WWOX: variants seen among roughly 807,000 people sequenced by gnomAD.
WWOX encodes WW domain-containing oxidoreductase.
A neutral mutation model predicts 46.2 loss-of-function variants in WWOX; 69 were observed. The ratio of observed to expected loss-of-function variants is 1.49; its 90% CI spans 1.23 to 1.82. The LOEUF (loss-of-function observed/expected upper bound fraction) is 1.82, where lower values mean the gene tolerates loss of function less well. WWOX is among the 40% of genes most tolerant of loss of function. WWOX has a pLI of 0.00. For missense variants in WWOX, 919 were observed against 542.6 expected (o/e 1.69, Z -6.89); for synonymous variants, 359 against 202.6 (o/e 1.77, Z -6.56).
intron 8 of WWOX, among the ~76,000 whole-genome samples, chr16:78,585,579 C>G (rs945148826): frequency 1.3e-5 from 2 of 152,160 alleles, no homozygotes; most frequent in Non-Finnish European, 2.9e-5. Context: ...AGTGGCTCCA[C>G]CAGGACCTCT....
At chr16:78,615,286 T>G (rs1264722110) in intron 8 of WWOX, among the ~76,000 whole-genome samples, 1 of 152,072 alleles carries the variant, frequency 6.6e-6, no homozygotes, top group Admixed American at 6.5e-5. Context: ...AGACGTCAGG[T>G]CCCCTAGGAG....
At chr16:79,180,378 C>T (rs774056427) in intron 8 of WWOX, among the ~76,000 whole-genome samples, 21 of 152,146 alleles carry the variant, frequency 1.4e-4, no homozygotes, top group African/African-American at 3.9e-4. Flanking sequence ...TAAATCTATC[C>T]GTTAACAGGT....
chr16:78,118,710 C>A (rs1183209166), intron 4 of WWOX, among the ~76,000 whole-genome samples: 6 of 152,118 alleles, frequency 3.9e-5, no homozygotes, highest in Non-Finnish European at 7.3e-5. Flanking sequence ...GTGCCGACTG[C>A]TATGTTAGAT....
chr16:78,824,082 G>A (rs1049231385), intron 8 of WWOX, among the ~76,000 whole-genome samples: 1 of 151,934 alleles, frequency 6.6e-6, no homozygotes, highest in Non-Finnish European at 1.5e-5. Flanking sequence ...TATTTTTCTA[G>A]TACTTTATTT....
Position 78,968,512 on chromosome 16 carries a change from A to G in WWOX, c.1057-243096A>G, listed in dbSNP as rs76440783. On this transcript the variant is annotated intron_variant, in intron 8 of 8. Transcript: ENST00000566780. ...ATGCAATTATGTTTCATTGTTAACC[A>G]TCACAAGCAACGGGACATTATGATG... is the stretch of plus-strand genomic sequence containing the variant. Among the ~76,000 whole-genome samples, 8 of 152,322 alleles carry G rather than the reference A, an allele frequency of 5.3e-5. No homozygotes were observed. In the East Asian group the frequency reaches 1.5e-3, roughly 29 times the overall value.
At chr16:78,542,018 C>CCAAA (rs2043908876) in intron 8 of WWOX, among the ~76,000 whole-genome samples, 2 of 40,642 alleles carry the variant, frequency 4.9e-5, no homozygotes, top group Admixed American at 9.6e-4. Context: ...CAGAGTATAC[C>CCAAA]AAAAAAAAAA....
At chr16:78,211,305 T>C (rs962496833) in intron 5 of WWOX, among the ~76,000 whole-genome samples, 2 of 151,970 alleles carry the variant, frequency 1.3e-5, no homozygotes, top group Admixed American at 6.6e-5. Flanking sequence ...TCACAAGGAG[T>C]CCAGAGGCAT....
intron 8 of WWOX, among the ~76,000 whole-genome samples, chr16:78,708,225 T>C (rs1224728925): frequency 6.6e-6 from 1 of 152,212 alleles, no homozygotes; most frequent in Non-Finnish European, 1.5e-5. Flanking sequence ...GACACCTGGT[T>C]AAATGTGAAT....
chr16:78,319,189 C>T (rs748204173), intron 5 of WWOX, among the ~76,000 whole-genome samples: 8 of 152,112 alleles, frequency 5.3e-5, no homozygotes, highest in Non-Finnish European at 1.0e-4. Context: ...GCATGAGCCA[C>T]AGAAAGTAGG....
At chr16:78,608,581 T>G (rs748042999) in intron 8 of WWOX, among the ~76,000 whole-genome samples, 6 of 152,180 alleles carry the variant, frequency 3.9e-5, no homozygotes, top group African/African-American at 1.4e-4. Context: ...GTGAGGTAAG[T>G]TCGTCAGACT....
At chr16:78,551,090 G>C (rs932955438) in intron 8 of WWOX, 1 of 152,062 alleles carries the variant, frequency 6.6e-6, no homozygotes, top group Non-Finnish European at 1.5e-5. Flanking sequence ...TGAATATATT[G>C]TGTGAAACAA....
intron 8 of WWOX, among the ~76,000 whole-genome samples, chr16:79,065,151 A>C (rs376581466): frequency 6.0e-4 from 92 of 152,296 alleles, no homozygotes; most frequent in African/African-American, 2.1e-3. Context: ...AAACCGTAAA[A>C]ACTTGATAGA....
At chr16:78,436,736 C>T (rs775273979) in intron 8 of WWOX, among the ~76,000 whole-genome samples, 1 of 152,156 alleles carries the variant, frequency 6.6e-6, no homozygotes, top group Non-Finnish European at 1.5e-5. Flanking sequence ...AGAGGAATCA[C>T]TGTGAATGTA....
chr16:78,443,950 C>T (rs1353411219), intron 8 of WWOX, among the ~76,000 whole-genome samples: 1 of 152,072 alleles, frequency 6.6e-6, no homozygotes, highest in African/African-American at 2.4e-5. Flanking sequence ...TTTGTATTGC[C>T]CCATGACGAT....
chr16:78,665,717 C>A (rs976292242), intron 8 of WWOX, among the ~76,000 whole-genome samples: 3 of 152,126 alleles, frequency 2.0e-5, no homozygotes, highest in Non-Finnish European at 4.4e-5. Flanking sequence ...AAGATACTTG[C>A]TCTGTCGCCC....
At chr16:78,809,242 C>G (rs2051125200) in intron 8 of WWOX, among the ~76,000 whole-genome samples, 1 of 142,694 alleles carries the variant, frequency 7.0e-6, no homozygotes, top group African/African-American at 2.6e-5. Context: ...GTTGTCTGAG[C>G]AGAATGTTTT....
At chr16:79,081,415 T>A (rs2048758087) in intron 8 of WWOX, among the ~76,000 whole-genome samples, 1 of 152,184 alleles carries the variant, frequency 6.6e-6, no homozygotes, top group Non-Finnish European at 1.5e-5. Context: ...CCATCCACTT[T>A]GGCCTCCCAA....
At chr16:78,718,015 G>A (rs147463230) in intron 8 of WWOX, among the ~76,000 whole-genome samples, 33 of 151,124 alleles carry the variant, frequency 2.2e-4, no homozygotes, top group African/African-American at 8.1e-4. Flanking sequence ...GCTTGGGAAA[G>A]CACAATGGTA....
intron 8 of WWOX, among the ~76,000 whole-genome samples, chr16:79,040,586 A>AT (rs1168618668): frequency 1.3e-5 from 2 of 152,034 alleles, no homozygotes; most frequent in African/African-American, 4.8e-5. Context: ...TGAGTTGATA[A>AT]TTTTTGTCAT....
Sources: allele counts gnomAD v4.1 joint callset (sites outside exome capture counted in the v4.1 genomes callset), GRCh38; gene constraint gnomAD v4.1.1; transcripts MANE v1.5; gene names NCBI Gene and HGNC (gene_info 2026-07-23, HGNC 2026-07-21).